The following ASIC2 variants were observed in gnomAD, a reference collection of about 807,000 sequenced individuals.
The protein encoded by ASIC2 is acid-sensing ion channel 2.
ASIC2 carries 25 observed loss-of-function variants against 57.3 expected under a neutral mutation model. That is an observed-to-expected ratio of 0.44 (90% CI 0.32 to 0.61). The LOEUF (loss-of-function observed/expected upper bound fraction) is 0.61. Among genes scored for constraint, ASIC2 ranks in the 20% least tolerant of loss-of-function variants. The pLI is 0.06. For synonymous variants in ASIC2, 319 were observed against 307.5 expected (o/e 1.04, Z -0.39); for missense variants, 641 against 738.1 (o/e 0.87, Z 1.52).
intron 1 of ASIC2, among the ~76,000 whole-genome samples, chr17:33,590,429 A>G (rs2347550): frequency 0.2 from 29,849 of 152,048 alleles, 3,034 homozygotes; most frequent in South Asian, 0.37. Flanking sequence ...CCCCCTGCAC[A>G]GGTACTTCAT....
intron 1 of ASIC2, among the ~76,000 whole-genome samples, chr17:33,923,326 G>A (rs1915749445): frequency 6.6e-6 from 1 of 152,188 alleles, no homozygotes; most frequent in Non-Finnish European, 1.5e-5. Context: ...AAGGCTGACT[G>A]TTCTGTCCAT....
chr17:33,962,387 T>A lies in ASIC2; in HGVS notation c.555+193591A>T, dbSNP rs71379434. On this transcript the variant is annotated intron_variant, in intron 1 of 9. Transcript: ENST00000359872. ...GCCTGGTACATAGTAGATGCTCTAA[T>A]ACCCAAGGATGAATGACCCAATGGC... 7.4e-3 allele frequency among the ~76,000 whole-genome samples: 1,134 copies of A among 152,242 alleles called. 19 individuals are homozygous for A. Among genetic ancestry groups the A allele is most frequent in the African/African-American group, 0.026 (1,083 of 41,536 alleles).
At chr17:33,624,946 A>C (rs1905925073) in intron 1 of ASIC2, among the ~76,000 whole-genome samples, 1 of 152,252 alleles carries the variant, frequency 6.6e-6, no homozygotes, top group South Asian at 2.1e-4. Context: ...TCTTCAAAGA[A>C]TACATTGTGA....
At chr17:33,832,909 C>A (rs753363275) in intron 1 of ASIC2, among the ~76,000 whole-genome samples, 34 of 152,152 alleles carry the variant, frequency 2.2e-4, no homozygotes, top group Non-Finnish European at 4.4e-4. Flanking sequence ...CCAACACGGG[C>A]ACCTACTGTT....
intron 1 of ASIC2, among the ~76,000 whole-genome samples, chr17:33,169,259 T>C (rs1905418005): frequency 6.6e-6 from 1 of 152,074 alleles, no homozygotes; most frequent in Non-Finnish European, 1.5e-5. Flanking sequence ...TGTGGAGGCA[T>C]GGCTTCCTCC....
intron 1 of ASIC2, among the ~76,000 whole-genome samples, chr17:33,515,046 A>G (rs2141951481): frequency 6.6e-6 from 1 of 152,336 alleles, no homozygotes; most frequent in Admixed American, 6.5e-5. Context: ...CCAGCCTGTC[A>G]TAGGTGCCAG....
intron 1 of ASIC2, among the ~76,000 whole-genome samples, chr17:33,735,886 C>T (rs1344075250): frequency 6.6e-6 from 1 of 152,122 alleles, no homozygotes; most frequent in East Asian, 1.9e-4. Context: ...ATTCTTGTTT[C>T]GTCTCTAAGC....
At chr17:33,574,714 T>C (rs916650041) in intron 1 of ASIC2, among the ~76,000 whole-genome samples, 4 of 152,242 alleles carry the variant, frequency 2.6e-5, no homozygotes, top group African/African-American at 9.6e-5. Flanking sequence ...ACAAATTGCA[T>C]ATATCTTTAC....
At chr17:34,044,302 T>C (rs781443001) in intron 1 of ASIC2, among the ~76,000 whole-genome samples, 21 of 152,172 alleles carry the variant, frequency 1.4e-4, no homozygotes, top group Non-Finnish European at 2.4e-4. Flanking sequence ...GGCTTCCAGA[T>C]GGGCCCCAGA....
intron 1 of ASIC2, among the ~76,000 whole-genome samples, chr17:34,024,430 C>G (rs952051701): frequency 1.2e-4 from 18 of 152,220 alleles, no homozygotes; most frequent in African/African-American, 4.3e-4. Context: ...TTTAGGCAAA[C>G]CATGCACTGG....
At chr17:34,152,307 T>A (rs1567617578) in intron 1 of ASIC2, among the ~76,000 whole-genome samples, 1 of 152,214 alleles carries the variant, frequency 6.6e-6, no homozygotes, top group Non-Finnish European at 1.5e-5. Flanking sequence ...ATGTCATTTG[T>A]ATTTCTGTAC....
intron 1 of ASIC2, among the ~76,000 whole-genome samples, chr17:33,252,570 T>G (rs1908921997): frequency 6.6e-6 from 1 of 152,070 alleles, no homozygotes. Flanking sequence ...TAGGAAGGTG[T>G]GTGCCCAGCC....
chr17:33,642,844 GC>G (rs1276884580), intron 1 of ASIC2, among the ~76,000 whole-genome samples: 1 of 152,164 alleles, frequency 6.6e-6, no homozygotes, highest in Non-Finnish European at 1.5e-5. Flanking sequence ...TTCATGCTTA[GC>G]CCTGGATTGT....
intron 1 of ASIC2, among the ~76,000 whole-genome samples, chr17:33,536,129 G>C (rs1915220527): frequency 6.6e-6 from 1 of 152,186 alleles, no homozygotes; most frequent in South Asian, 2.1e-4. Context: ...ACCTGTGAAG[G>C]CTGGGGAGTA....
chr17:34,136,054 G>T (rs899192932), intron 1 of ASIC2, among the ~76,000 whole-genome samples: 32 of 152,084 alleles, frequency 2.1e-4, no homozygotes, highest in Admixed American at 9.8e-4. Flanking sequence ...GACAGGGCAG[G>T]AGTCAGACAA....
intron 1 of ASIC2, among the ~76,000 whole-genome samples, chr17:33,805,036 T>C (rs546951834): frequency 6.6e-6 from 1 of 152,260 alleles, no homozygotes; most frequent in South Asian, 2.1e-4. Context: ...AGACGCCCCA[T>C]AAAAAGCAGT....
At chr17:34,099,518 G>T (rs565427367) in intron 1 of ASIC2, among the ~76,000 whole-genome samples, 1 of 131,986 alleles carries the variant, frequency 7.6e-6, no homozygotes, top group Non-Finnish European at 1.6e-5. Context: ...AGAAGAGAAA[G>T]AAAAAGAAAG....
chr17:33,317,494 T>C (rs1294268415), intron 1 of ASIC2, among the ~76,000 whole-genome samples: 3 of 152,228 alleles, frequency 2.0e-5, no homozygotes, highest in Non-Finnish European at 4.4e-5. Flanking sequence ...CAAAGCTCTG[T>C]CCAAGACCTT....
intron 1 of ASIC2, among the ~76,000 whole-genome samples, chr17:33,912,361 C>T (rs1013730656): frequency 6.2e-5 from 9 of 146,100 alleles, no homozygotes; most frequent in South Asian, 2.3e-4. Flanking sequence ...GGCATGGTGG[C>T]GCACACCTGT....
Sources: gnomAD v4.1 joint callset for allele counts (sites outside exome capture counted in the v4.1 genomes callset) on GRCh38, gnomAD v4.1.1 for gene constraint, MANE v1.5 for transcripts, NCBI Gene and HGNC (gene_info 2026-07-23, HGNC 2026-07-21) for gene names.